Variants in SCN11A observed in about 807,000 individuals in gnomAD.
SCN11A encodes sodium channel protein type 11 subunit alpha.
In SCN11A, 122 loss-of-function variants were observed where a neutral mutation model predicts 162.2. That is an observed-to-expected ratio of 0.75 (90% CI 0.65 to 0.87). The LOEUF (loss-of-function observed/expected upper bound fraction) is 0.87. SCN11A is among the 40% of genes least tolerant of loss of function. The pLI, the probability that SCN11A is intolerant of heterozygous loss-of-function variation, is 0.00. For missense variants in SCN11A, 2,015 were observed against 2,181.6 expected (o/e 0.92, Z 1.52); for synonymous variants, 758 against 751.5 (o/e 1.01, Z -0.14).
rs772383396 is a variant in SCN11A, at chr3:38,950,329, C to T, written c.34G>A (p.Asp12Asn). 6 of 1,614,010 alleles carry T rather than the reference C, an allele frequency of 3.7e-6. No homozygotes were observed. Among genetic ancestry groups the T allele is most frequent in the Non-Finnish European group, 8.5e-7 (1 of 1,180,038 alleles). The change falls in exon 5 of 30, where the codon GAT becomes AAT. Residue 12 changes from aspartate (D) to asparagine (N), a missense_variant. Transcript: ENST00000302328. ...GTGAAGGGGCGGAAATTCCGCTCAT[C>T]TGGAAAGATTACTGGGTAGCATCTG... ...DDRCYPVIFPDERNFRPFTSD... is the reference protein window; with the variant it reads ...DDRCYPVIFPNERNFRPFTSD...
chr3:38,856,455 A>T (rs2064870985), intron 28 of SCN11A, among the ~76,000 whole-genome samples: 1 of 152,190 alleles, frequency 6.6e-6, no homozygotes, highest in Non-Finnish European at 1.5e-5. Flanking sequence ...AAACACTGGG[A>T]TAGGAGTGAG....
intron 17 of SCN11A, among the ~76,000 whole-genome samples, chr3:38,899,495 T>C (rs4676587): frequency 0.89 from 135,059 of 151,952 alleles, 60,102 homozygotes; most frequent in African/African-American, 0.92. Flanking sequence ...CTATAGTCTT[T>C]GCCCCCCTTG....
chr3:38,998,506 C>T (rs1302531910), intron 2 of SCN11A, among the ~76,000 whole-genome samples: 1 of 152,148 alleles, frequency 6.6e-6, no homozygotes, highest in Non-Finnish European at 1.5e-5. Context: ...GTGGTGATTC[C>T]TCAGGGATCT....
In SCN11A at chr3:38,883,268, T is replaced by C; in HGVS notation, c.3184A>G (p.Ile1062Val). 1 of 1,613,874 alleles carries C rather than the reference T, an allele frequency of 6.2e-7. No homozygotes were observed. The highest frequency in any genetic ancestry group is 8.5e-7 in the Non-Finnish European group (1 of 1,179,870). The change falls in exon 22 of 30, where the codon ATT becomes GTT. Residue 1062 changes from isoleucine (I) to valine (V), a missense_variant. Physicochemically the swap from Ile to Val is conservative, Grantham distance 29. Coordinates refer to ENST00000302328, the MANE Select transcript of SCN11A (RefSeq NM_001349253.2). Reference protein sequence around the residue: ...IVKHSWFESFIIFVILLSSGA... With the variant: ...IVKHSWFESFVIFVILLSSGA... Reference sequence around the variant, plus strand: ...CTGCTCAGCAGAATCACAAAGATAATAAAGCTCTCAAACCAGCTGTGTTTC... The same window carrying C: ...CTGCTCAGCAGAATCACAAAGATAACAAAGCTCTCAAACCAGCTGTGTTTC...
chr3:38,893,412 A>C (rs2065533341), intron 19 of SCN11A, among the ~76,000 whole-genome samples: 2 of 152,224 alleles, frequency 1.3e-5, no homozygotes, highest in Admixed American at 6.5e-5. Context: ...AATTCACAAT[A>C]AACATTGGAG....
chr3:38,964,758 G>T (rs139992254), intron 2 of SCN11A, among the ~76,000 whole-genome samples: 3 of 152,234 alleles, frequency 2.0e-5, no homozygotes, highest in Non-Finnish European at 4.4e-5. Context: ...GAGCATGGAA[G>T]AAGAGGAGGC....
At chr3:39,042,915 C>CCATTGCA (rs2032083918) in intron 1 of SCN11A, among the ~76,000 whole-genome samples, 1 of 141,124 alleles carries the variant, frequency 7.1e-6, no homozygotes, top group Non-Finnish European at 1.5e-5. Flanking sequence ...CGAGATCATG[C>CCATTGCA]CATTGCACTC....
rs7625935 is a variant in SCN11A at position 38,879,921 on chromosome 3, T to A, written c.3393+29A>T. ...CCCTGCCTTAACCACTACCCCAGCC[T>A]GTGTGGGACACAGAGATGGTAAACT... On this transcript the variant is annotated intron_variant, in intron 23 of 29. Coordinates refer to ENST00000302328, the MANE Select transcript of SCN11A (RefSeq NM_001349253.2). 1.9e-6 allele frequency: 3 copies of A among 1,597,106 alleles called. No individual in the cohort carries two copies. In the South Asian group the frequency reaches 3.4e-5, roughly 18 times the overall value.
At chr3:38,900,536 G>A (rs1178772988) in intron 16 of SCN11A, among the ~76,000 whole-genome samples, 4 of 149,828 alleles carry the variant, frequency 2.7e-5, no homozygotes, top group Non-Finnish European at 5.9e-5. Context: ...GAGTTCACCT[G>A]ACCACCTAAT....
At chr3:39,003,874 T>C (rs1230939637) in intron 2 of SCN11A, among the ~76,000 whole-genome samples, 1 of 124,096 alleles carries the variant, frequency 8.1e-6, no homozygotes, top group Non-Finnish European at 1.9e-5. Flanking sequence ...TTTTAATGGG[T>C]TTTTTTTTCT....
chr3:39,036,879 G>A (rs1489332200), intron 1 of SCN11A, among the ~76,000 whole-genome samples: 1 of 152,228 alleles, frequency 6.6e-6, no homozygotes, highest in Non-Finnish European at 1.5e-5. Context: ...TAGTGGGAAT[G>A]TAAATTAGTA....
At chr3:38,941,468 G>C (rs2066441936) in intron 7 of SCN11A, among the ~76,000 whole-genome samples, 2 of 152,132 alleles carry the variant, frequency 1.3e-5, no homozygotes, top group South Asian at 4.1e-4. Flanking sequence ...GAAAAAAAAT[G>C]TCTTTAAAAG....
At chr3:38,861,458 A>T (rs2064962666) in intron 28 of SCN11A, among the ~76,000 whole-genome samples, 2 of 152,176 alleles carry the variant, frequency 1.3e-5, no homozygotes, top group African/African-American at 4.8e-5. Context: ...AAAAAGAACA[A>T]ATTTGGAGGC....
intron 25 of SCN11A, among the ~76,000 whole-genome samples, chr3:38,871,118 G>A (rs905176886): frequency 1.3e-5 from 2 of 152,132 alleles, no homozygotes; most frequent in East Asian, 3.9e-4. Context: ...GCTTTAAACA[G>A]GGAACTGTTC....
At chr3:38,900,267 A>G (rs1182499200) in intron 16 of SCN11A, among the ~76,000 whole-genome samples, 194 bp from the exon 17 acceptor site, 1 of 152,176 alleles carries the variant, frequency 6.6e-6, no homozygotes, top group African/African-American at 2.4e-5. Flanking sequence ...TCCTCTCTCC[A>G]TCCCTCTCCA....
chr3:38,931,966 A>G (rs537164991), intron 7 of SCN11A, among the ~76,000 whole-genome samples: 72 of 152,346 alleles, frequency 4.7e-4, no homozygotes, highest in African/African-American at 1.7e-3. Context: ...GTACAGCTAC[A>G]AGGGTAACTA....
At chr3:39,045,536 C>G (rs1684544860) in intron 1 of SCN11A, among the ~76,000 whole-genome samples, 1 of 152,080 alleles carries the variant, frequency 6.6e-6, no homozygotes, top group Non-Finnish European at 1.5e-5. Flanking sequence ...GAATCAAGGA[C>G]AAAAACCAAA....
At chr3:38,965,703 T>C (rs1316570670) in intron 2 of SCN11A, among the ~76,000 whole-genome samples, 1 of 152,134 alleles carries the variant, frequency 6.6e-6, no homozygotes, top group African/African-American at 2.4e-5. Flanking sequence ...TTCTTTTTCT[T>C]TTTTTTTCAT....
chr3:38,952,329 A>C (rs2066632830), intron 4 of SCN11A, among the ~76,000 whole-genome samples: 1 of 152,222 alleles, frequency 6.6e-6, no homozygotes, highest in Admixed American at 6.5e-5. Context: ...ACTGAAAAGA[A>C]GCAGTAGTAT....
Sources: allele counts gnomAD v4.1 joint callset (sites outside exome capture counted in the v4.1 genomes callset), GRCh38; gene constraint gnomAD v4.1.1; transcripts MANE v1.5; gene names NCBI Gene and HGNC (gene_info 2026-07-23, HGNC 2026-07-21).